GLYATL1: variants seen among roughly 807,000 people sequenced by gnomAD.
GLYATL1 encodes glycine-N-acyltransferase like 1.
Under a neutral mutation model 20.0 loss-of-function variants are expected in GLYATL1, and 15 were observed. The observed-to-expected ratio is 0.75, with a 90% CI of 0.50 to 1.15. The LOEUF is 1.15. Among genes scored for constraint, GLYATL1 ranks in the 50% most tolerant of loss-of-function variants. The pLI is 0.00. For missense variants in GLYATL1, 380 were observed against 368.5 expected, an observed-to-expected ratio of 1.03 and a Z score of -0.26; for synonymous variants, 151 against 131.5, an observed-to-expected ratio of 1.15 and a Z score of -1.01.
At chr11:58,909,979 C>T (rs1409612803), downstream of GLYATL1, among the ~76,000 whole-genome samples, 1 of 152,142 alleles carries the variant, frequency 6.6e-6, no homozygotes, top group African/African-American at 2.4e-5. Flanking sequence ...AACAGAGCTG[C>T]AGTAATATCA....
At chr11:58,943,107 A>G in intron 1 of GLYATL1, 1 of 596,632 alleles carries the variant, frequency 1.7e-6, no homozygotes, top group Non-Finnish European at 2.6e-6. Context: ...TTTTGCTACA[A>G]ACTGTTGAAA....
chr11:58,934,845 G>T (rs148567132), upstream of GLYATL1: 1,556 of 152,580 alleles, frequency 0.01, 7 homozygotes, highest in Non-Finnish European at 0.017. Flanking sequence ...CTGGAAATGG[G>T]GTGGGCCTGA....
intron 1 of GLYATL1, among the ~76,000 whole-genome samples, chr11:58,922,132 G>A (rs2135115699): frequency 6.6e-6 from 1 of 152,282 alleles, no homozygotes; most frequent in African/African-American, 2.4e-5. Context: ...TCAAGAAATT[G>A]GCCCTGTGTA....
intron 1 of GLYATL1, chr11:58,933,626 T>C (rs542076033): frequency 1.3e-5 from 2 of 152,344 alleles, no homozygotes; most frequent in African/African-American, 4.8e-5. Flanking sequence ...AGCTATTGGT[T>C]ATTTTTTTTT....
downstream of GLYATL1, among the ~76,000 whole-genome samples, chr11:58,911,430 T>C (rs139825203): frequency 1.7e-4 from 26 of 152,350 alleles, no homozygotes; most frequent in African/African-American, 5.8e-4. Flanking sequence ...GGCTGTATAA[T>C]TTTGCATCCT....
At chr11:58,955,409 T>C (rs1857326176) in intron 6 of GLYATL1, 56 bp downstream of exon 6, 2 of 1,502,856 alleles carry the variant, frequency 1.3e-6, no homozygotes, top group South Asian at 1.2e-5. Context: ...ATTTTTGTAA[T>C]TCACATAAAT....
At chr11:58,911,451 G>A (rs1338289912), downstream of GLYATL1, among the ~76,000 whole-genome samples, 1 of 152,214 alleles carries the variant, frequency 6.6e-6, no homozygotes, top group Non-Finnish European at 1.5e-5. Flanking sequence ...CGCTACCAAT[G>A]TGTGAGAGTT....
chr11:58,908,979 A>G (rs1270057752), downstream of GLYATL1, among the ~76,000 whole-genome samples: 2 of 152,242 alleles, frequency 1.3e-5, no homozygotes, highest in Non-Finnish European at 2.9e-5. Context: ...TAGTTGCAGA[A>G]ATAACGAACT....
At chr11:58,924,239 C>G (rs999254501), upstream of GLYATL1, among the ~76,000 whole-genome samples, 1 of 152,132 alleles carries the variant, frequency 6.6e-6, no homozygotes, top group Non-Finnish European at 1.5e-5. Context: ...GTTCTACTAA[C>G]GATTAAAACT....
chr11:58,931,017 A>G (rs1453504517), intron 1 of GLYATL1, among the ~76,000 whole-genome samples: 1 of 152,234 alleles, frequency 6.6e-6, no homozygotes, highest in African/African-American at 2.4e-5. Flanking sequence ...AGAAAAGTTC[A>G]GACTAGACAG....
At chr11:58,911,189 T>G (rs1363430357), downstream of GLYATL1, among the ~76,000 whole-genome samples, 6 of 152,236 alleles carry the variant, frequency 3.9e-5, no homozygotes, top group Admixed American at 2.0e-4. Flanking sequence ...AACATTCCAC[T>G]GTGTGAATGT....
intron 6 of GLYATL1, 75 bp from the exon 7 acceptor site, chr11:58,955,535 C>A (rs1210805227): frequency 6.7e-7 from 1 of 1,494,202 alleles, no homozygotes; most frequent in Admixed American, 1.9e-5. Context: ...TTCCTGGGAT[C>A]TCTAGATTGG....
At chr11:58,908,579 A>T in exon 2 of GLYATL1, 1 of 181,694 alleles carries the variant, frequency 5.5e-6, no homozygotes, top group Non-Finnish European at 1.2e-5. Flanking sequence ...TCCTCACTGG[A>T]GAGATAGTCT....
At chr11:58,921,833 A>G (rs961652056) in intron 1 of GLYATL1, among the ~76,000 whole-genome samples, 4 of 152,192 alleles carry the variant, frequency 2.6e-5, no homozygotes, top group Admixed American at 2.6e-4. Flanking sequence ...AAAGCCTTCT[A>G]ACTTCAGCAA....
chr11:58,937,115 T>C (rs532282901), upstream of GLYATL1, among the ~76,000 whole-genome samples: 27 of 152,354 alleles, frequency 1.8e-4, no homozygotes, highest in African/African-American at 6.5e-4. Flanking sequence ...TTGGCTCTTC[T>C]GTGTCTTGCC....
intron 1 of GLYATL1, among the ~76,000 whole-genome samples, chr11:58,917,648 T>TCC (rs2135107422): frequency 1.3e-5 from 2 of 152,346 alleles, no homozygotes; most frequent in African/African-American, 4.8e-5. Flanking sequence ...ATGGCTGCAG[T>TCC]CCAGGCCTGC....
At chr11:58,929,927 C>G (rs553931771) in intron 1 of GLYATL1, among the ~76,000 whole-genome samples, 2 of 152,310 alleles carry the variant, frequency 1.3e-5, no homozygotes, top group African/African-American at 4.8e-5. Context: ...GTCTTAGAGT[C>G]TGGATCATTT....
In GLYATL1 at chr11:58,915,389, C is replaced by G. The variant is rs543140761; in HGVS notation, n.264+9728C>G. Reference sequence around the variant, plus strand: ...GGGTCCTCCTTTCCCATGTGAGCCCCTCTTCTGGATCCCAGAGCTATAGAT... The same window carrying G: ...GGGTCCTCCTTTCCCATGTGAGCCCGTCTTCTGGATCCCAGAGCTATAGAT... On this transcript the variant is annotated intron_variant and non_coding_transcript_variant, in intron 1 of 2. Coordinates refer to the GLYATL1 transcript ENST00000534674. Among the ~76,000 whole-genome samples the G allele has an allele frequency of 4.6e-5, 7 of 152,278 alleles. No homozygotes were observed. In the East Asian group the frequency reaches 9.7e-4, roughly 21 times the overall value.
At chr11:58,914,626 G>A (rs539353862) in intron 1 of GLYATL1, among the ~76,000 whole-genome samples, 4 of 152,154 alleles carry the variant, frequency 2.6e-5, no homozygotes, top group Non-Finnish European at 5.9e-5. Context: ...ATGAGGCAAA[G>A]GGTAAAGATT....
Sources: gnomAD v4.1 joint callset for allele counts (sites outside exome capture counted in the v4.1 genomes callset) on GRCh38, gnomAD v4.1.1 for gene constraint, MANE v1.5 for transcripts, NCBI Gene and HGNC (gene_info 2026-07-23, HGNC 2026-07-21) for gene names.